PDK1: variants seen among roughly 807,000 people sequenced by gnomAD.
The protein encoded by PDK1 is [Pyruvate dehydrogenase (acetyl-transferring)] kinase isozyme 1, mitochondrial.
PDK1 carries 39 observed loss-of-function variants against 54.2 expected under a neutral mutation model. The observed-to-expected ratio is 0.72, with a 90% CI of 0.56 to 0.94. The LOEUF is 0.94. PDK1 is among the 40% of genes least tolerant of loss of function. PDK1 has a pLI of 0.00. For missense variants in PDK1, 552 were observed against 566.0 expected (o/e 0.98, Z 0.25); for synonymous variants, 221 against 207.1 (o/e 1.07, Z -0.58).
the PDK1 span, among the ~76,000 whole-genome samples, chr2:172,678,135 A>T: frequency 3.9e-5 from 6 of 152,220 alleles, no homozygotes; most frequent in East Asian, 1.2e-3. Flanking sequence ...GCACCACTGC[A>T]CTCCAGCCTG....
chr2:172,690,487 A>C, the PDK1 span, among the ~76,000 whole-genome samples: 32 of 150,280 alleles, frequency 2.1e-4, no homozygotes, highest in African/African-American at 7.5e-4. Flanking sequence ...TTGACCCAGC[A>C]ATCCCATTAC....
At chr2:172,636,714 C>G in the PDK1 span, among the ~76,000 whole-genome samples, 4 of 101,268 alleles carry the variant, frequency 3.9e-5, no homozygotes, top group Admixed American at 4.2e-4. Context: ...GAGCAAGACT[C>G]CATCTCAAAA....
At chr2:172,674,730 C>T in the PDK1 span, 1 of 152,448 alleles carries the variant, frequency 6.6e-6, no homozygotes, top group South Asian at 2.1e-4. Flanking sequence ...CTCATTTCAT[C>T]TTCCACCGCC....
chr2:172,698,590 G>A, the PDK1 span, among the ~76,000 whole-genome samples: 4 of 152,202 alleles, frequency 2.6e-5, no homozygotes, highest in African/African-American at 9.7e-5. Flanking sequence ...TATCTGAAGG[G>A]CTTGTTAAAA....
At chr2:172,719,068 T>C in the PDK1 span, among the ~76,000 whole-genome samples, 2 of 152,216 alleles carry the variant, frequency 1.3e-5, no homozygotes, top group Non-Finnish European at 2.9e-5. Context: ...AAAAATTAGA[T>C]CATTATATAG....
At chr2:172,636,187 A>G in the PDK1 span, among the ~76,000 whole-genome samples, 6 of 152,324 alleles carry the variant, frequency 3.9e-5, no homozygotes, top group African/African-American at 1.2e-4. Flanking sequence ...TTGCTTTGCT[A>G]TAAAGGAATG....
chr2:172,615,204 A>G, the PDK1 span, among the ~76,000 whole-genome samples: 1 of 152,210 alleles, frequency 6.6e-6, no homozygotes, highest in African/African-American at 2.4e-5. Context: ...ATCTTGCATC[A>G]CTGCCAACGT....
chr2:172,643,520 A>ATCTCC, the PDK1 span, among the ~76,000 whole-genome samples: 2 of 152,114 alleles, frequency 1.3e-5, no homozygotes, highest in African/African-American at 4.8e-5. Context: ...TCCTGCCCAA[A>ATCTCC]TACCCAGAAT....
chr2:172,571,874 C>G (rs1689288286), intron 8 of PDK1, among the ~76,000 whole-genome samples: 1 of 134,566 alleles, frequency 7.4e-6, no homozygotes. Context: ...CTCTGTTGCC[C>G]CAGGGTGGAA....
At chr2:172,577,443 T>C (rs1280090971) in intron 8 of PDK1, among the ~76,000 whole-genome samples, 1 of 152,114 alleles carries the variant, frequency 6.6e-6, no homozygotes, top group African/African-American at 2.4e-5. Flanking sequence ...TAATTACTAT[T>C]AATGTAATTA....
intron 6 of PDK1, among the ~76,000 whole-genome samples, 187 bp from the exon 7 acceptor site, chr2:172,568,554 T>C (rs998800503): frequency 6.6e-6 from 1 of 152,188 alleles, no homozygotes; most frequent in Non-Finnish European, 1.5e-5. Context: ...CTTGTCATCA[T>C]CAGTTGTAAA....
At chr2:172,592,652 G>C (rs1309359143) in intron 9 of PDK1, among the ~76,000 whole-genome samples, 2 of 152,086 alleles carry the variant, frequency 1.3e-5, no homozygotes, top group African/African-American at 2.4e-5. Context: ...CGACCGAGCA[G>C]GCCAGCAAGG....
At chr2:172,646,554 C>T in the PDK1 span, among the ~76,000 whole-genome samples, 2 of 151,786 alleles carry the variant, frequency 1.3e-5, no homozygotes, top group East Asian at 3.9e-4. Flanking sequence ...AGAGTTTAGA[C>T]TGGAGGGATG....
At chr2:172,566,489 G>A (rs1688948161) in intron 5 of PDK1, among the ~76,000 whole-genome samples, 1 of 152,018 alleles carries the variant, frequency 6.6e-6, no homozygotes, top group Non-Finnish European at 1.5e-5. Context: ...CCAGGGAGGT[G>A]GAGGCTGCAG....
chr2:172,640,495 A>AT, the PDK1 span, among the ~76,000 whole-genome samples: 1 of 152,176 alleles, frequency 6.6e-6, no homozygotes, highest in African/African-American at 2.4e-5. Flanking sequence ...GAGAGAAAAA[A>AT]ATATATATAT....
intron 8 of PDK1, among the ~76,000 whole-genome samples, chr2:172,575,441 C>T (rs1689526295): frequency 6.6e-6 from 1 of 152,128 alleles, no homozygotes; most frequent in Admixed American, 6.5e-5. Context: ...ACTTCTGGGC[C>T]TGAGCTTGTC....
the PDK1 span, among the ~76,000 whole-genome samples, chr2:172,713,471 C>T: frequency 6.6e-6 from 1 of 152,184 alleles, no homozygotes; most frequent in Non-Finnish European, 1.5e-5. Flanking sequence ...CCGAGCTGCC[C>T]ACAGTGCCCC....
At chr2:172,668,750 AAT>A in the PDK1 span, among the ~76,000 whole-genome samples, 2 of 146,716 alleles carry the variant, frequency 1.4e-5, no homozygotes, top group Non-Finnish European at 3.0e-5. Context: ...ATATATATTA[AAT>A]ATATATATAT....
chr2:172,579,104 A>ATGGC (rs1225948305), intron 8 of PDK1, among the ~76,000 whole-genome samples: 4 of 152,160 alleles, frequency 2.6e-5, no homozygotes, highest in African/African-American at 7.2e-5. Context: ...CAAAGCCCCT[A>ATGGC]TGGCTATCTC....
Sources: allele counts gnomAD v4.1 joint callset (sites outside exome capture counted in the v4.1 genomes callset), GRCh38; gene constraint gnomAD v4.1.1; transcripts MANE v1.5; gene names NCBI Gene and HGNC (gene_info 2026-07-23, HGNC 2026-07-21).